DLGAP2: variants seen among roughly 807,000 people sequenced by gnomAD.
The protein encoded by DLGAP2 is DLG associated protein 2.
DLGAP2 carries 26 observed loss-of-function variants against 100.3 expected under a neutral mutation model. The observed-to-expected ratio is 0.26, with a 90% CI of 0.19 to 0.36. The LOEUF (loss-of-function observed/expected upper bound fraction) is 0.36, where lower values mean the gene tolerates loss of function less well. DLGAP2 is among the 10% of genes least tolerant of loss of function. The pLI, the probability that DLGAP2 is intolerant of heterozygous loss-of-function variation, is 1.00. For missense variants in DLGAP2, 1,858 were observed against 1,453.2 expected (o/e 1.28, Z -4.53); for synonymous variants, 886 against 630.1 (o/e 1.41, Z -6.08).
At chr8:787,271 C>T (rs561249488) in intron 1 of DLGAP2, among the ~76,000 whole-genome samples, 3 of 152,058 alleles carry the variant, frequency 2.0e-5, no homozygotes, top group Admixed American at 6.6e-5. Context: ...CAGAGCCTGA[C>T]GCGTCTGTTC....
chr8:1,084,148 A>T (rs1803898146), intron 2 of DLGAP2, among the ~76,000 whole-genome samples: 1 of 152,216 alleles, frequency 6.6e-6, no homozygotes, highest in Non-Finnish European at 1.5e-5. Context: ...AATATCAGTA[A>T]GTCTTTTATA....
intron 3 of DLGAP2, among the ~76,000 whole-genome samples, chr8:1,329,980 T>G (rs1439581786): frequency 6.6e-6 from 1 of 152,240 alleles, no homozygotes; most frequent in East Asian, 1.9e-4. Flanking sequence ...CTTGTCTGAC[T>G]GTGGCTGGGA....
intron 3 of DLGAP2, among the ~76,000 whole-genome samples, chr8:1,428,048 AAAAT>A (rs1487405369): frequency 1.3e-5 from 2 of 152,188 alleles, no homozygotes; most frequent in Admixed American, 6.5e-5. Flanking sequence ...AAGGAAAATA[AAAAT>A]AAATGACTTA....
At chr8:1,425,637 G>A (rs1797217879) in intron 3 of DLGAP2, among the ~76,000 whole-genome samples, 1 of 152,174 alleles carries the variant, frequency 6.6e-6, no homozygotes, top group African/African-American at 2.4e-5. Flanking sequence ...TCTTCCACAA[G>A]CCTAGAGCTG....
intron 3 of DLGAP2, among the ~76,000 whole-genome samples, chr8:1,408,635 C>A (rs147207471): frequency 6.6e-6 from 1 of 152,280 alleles, no homozygotes; most frequent in South Asian, 2.1e-4. Flanking sequence ...CATGGATTCA[C>A]GCATAACTTT....
At chr8:1,151,362 T>G (rs1415418336) in intron 2 of DLGAP2, among the ~76,000 whole-genome samples, 3 of 152,202 alleles carry the variant, frequency 2.0e-5, no homozygotes, top group Non-Finnish European at 4.4e-5. Flanking sequence ...AGCAGGAGAC[T>G]CAGGGGCTCA....
chr8:1,218,135 C>A (rs1216667287), intron 2 of DLGAP2, among the ~76,000 whole-genome samples: 1 of 152,144 alleles, frequency 6.6e-6, no homozygotes, highest in Non-Finnish European at 1.5e-5. Context: ...GTAGAAATTG[C>A]TTTCAGAGGC....
intron 1 of DLGAP2, among the ~76,000 whole-genome samples, chr8:798,515 C>T (rs28712427): frequency 6.9e-5 from 2 of 29,074 alleles, no homozygotes; most frequent in African/African-American, 2.6e-4. Context: ...ACGCTTGTTG[C>T]GTCAGGACCT....
intron 6 of DLGAP2, among the ~76,000 whole-genome samples, chr8:1,606,498 T>G (rs532407796): frequency 6.6e-6 from 1 of 152,338 alleles, no homozygotes; most frequent in East Asian, 1.9e-4. Context: ...TCTTTGTGTC[T>G]GGCTTCTAGC....
intron 2 of DLGAP2, among the ~76,000 whole-genome samples, chr8:1,063,612 AATGTC>A (rs1281364607): frequency 6.6e-6 from 1 of 151,666 alleles, no homozygotes; most frequent in Non-Finnish European, 1.5e-5. Context: ...GATGAAATAG[AATGTC>A]AGTAAAAGGA....
At chr8:1,386,573 G>C (rs547982421) in intron 3 of DLGAP2, among the ~76,000 whole-genome samples, 1 of 152,268 alleles carries the variant, frequency 6.6e-6, no homozygotes, top group South Asian at 2.1e-4. Context: ...GAGTAAGAGG[G>C]CCAGCCACAC....
chr8:1,551,846 G>C (rs923352774), intron 5 of DLGAP2, among the ~76,000 whole-genome samples: 2 of 152,168 alleles, frequency 1.3e-5, no homozygotes, highest in Non-Finnish European at 2.9e-5. Flanking sequence ...TATCATCCTG[G>C]TCAGTGGTCA....
At chr8:928,283 C>A (rs1442229533) in intron 2 of DLGAP2, among the ~76,000 whole-genome samples, 1 of 152,142 alleles carries the variant, frequency 6.6e-6, no homozygotes, top group Non-Finnish European at 1.5e-5. Flanking sequence ...CACGGTTTAC[C>A]GAGGTTGAGT....
chr8:1,548,421 T>C (rs1801619994), intron 4 of DLGAP2, among the ~76,000 whole-genome samples: 1 of 129,170 alleles, frequency 7.7e-6, no homozygotes, highest in Non-Finnish European at 1.6e-5. Context: ...ATCGCGCCAT[T>C]GCACTCCAGC....
intron 2 of DLGAP2, among the ~76,000 whole-genome samples, chr8:1,132,527 A>G (rs1045163848): frequency 2.0e-5 from 3 of 152,220 alleles, no homozygotes; most frequent in African/African-American, 7.2e-5. Flanking sequence ...TCTTGGCAAC[A>G]TTTACTTACT....
At chr8:1,183,445 A>G (rs1372971255) in intron 2 of DLGAP2, among the ~76,000 whole-genome samples, 2 of 152,234 alleles carry the variant, frequency 1.3e-5, no homozygotes, top group African/African-American at 4.8e-5. Context: ...TTACTGATCT[A>G]TAGAATGCAC....
chr8:1,303,256 G>A (rs1475528429), intron 3 of DLGAP2, among the ~76,000 whole-genome samples: 1 of 152,136 alleles, frequency 6.6e-6, no homozygotes, highest in Non-Finnish European at 1.5e-5. Context: ...AACTAGCCGG[G>A]CGTGGTGGCG....
At chr8:1,668,755 C>G in intron 9 of DLGAP2, 77 bp downstream of exon 9, 1 of 1,316,898 alleles carries the variant, frequency 7.6e-7, no homozygotes, top group South Asian at 1.5e-5. Flanking sequence ...CAAAACCCAA[C>G]CAGCGGCCCT....
intron 2 of DLGAP2, among the ~76,000 whole-genome samples, chr8:977,858 C>G (rs62486452): frequency 0.34 from 2,579 of 7,672 alleles, 426 homozygotes; most frequent in Admixed American, 0.41. Flanking sequence ...TGAGGGGCTG[C>G]GTTCTGGTCT....
Sources: gnomAD v4.1 joint callset for allele counts (sites outside exome capture counted in the v4.1 genomes callset) on GRCh38, gnomAD v4.1.1 for gene constraint, MANE v1.5 for transcripts, NCBI Gene and HGNC (gene_info 2026-07-23, HGNC 2026-07-21) for gene names.